PARM1: variants seen among roughly 807,000 people sequenced by gnomAD.
PARM1 encodes the protein prostate androgen-regulated mucin-like protein 1, also known as WSC4, cell wall integrity and stress response component 4 homolog.
A neutral mutation model predicts 24.6 loss-of-function variants in PARM1; 14 were observed. The ratio of observed to expected loss-of-function variants is 0.57; its 90% CI spans 0.38 to 0.89. The LOEUF (loss-of-function observed/expected upper bound fraction) is 0.89. Among genes scored for constraint, PARM1 ranks in the 40% least tolerant of loss-of-function variants. The pLI, the probability that PARM1 is intolerant of heterozygous loss-of-function variation, is 0.00. For synonymous variants in PARM1, 179 were observed against 156.6 expected, an observed-to-expected ratio of 1.14 and a Z score of -1.07; for missense variants, 362 against 380.4, an observed-to-expected ratio of 0.95 and a Z score of 0.40.
chr4:75,046,190 C>T lies in PARM1; in HGVS notation c.876C>T (p.Asp292=), dbSNP rs368213473. ...IRHSSYGRLL[D]DHDYGSWGNY... ...ATTCCTCCTATGGAAGACTTTTGGA[C>T]GACCATGACTACGGGTCCTGGGGAA... The change falls in exon 4 of 4, where the codon GAC becomes GAT. Residue 292 remains aspartate, a synonymous_variant. Coordinates refer to ENST00000307428, the MANE Select transcript of PARM1 (RefSeq NM_015393.4). The T allele has an allele frequency of 2.7e-5, 43 of 1,612,658 alleles. No individual in the cohort carries two copies. The highest frequency in any genetic ancestry group is 1.6e-4 in the Middle Eastern group (1 of 6,078).
chr4:75,009,381 C>T (rs1026695484), intron 1 of PARM1, among the ~76,000 whole-genome samples: 2 of 152,196 alleles, frequency 1.3e-5, no homozygotes, highest in African/African-American at 4.8e-5. Flanking sequence ...CCCTTTTGGT[C>T]TTTTCTCCCT....
Position 75,045,502 on chromosome 4 carries a change from G to C in PARM1, c.849-661G>C, listed in dbSNP as rs754884000. Among the ~76,000 whole-genome samples, 15 of 152,170 alleles carry C rather than the reference G, an allele frequency of 9.9e-5. 1 individual carries two copies. The highest frequency in any genetic ancestry group is 1.3e-4 in the Admixed American group (2 of 15,280). On this transcript the variant is annotated intron_variant, in intron 3 of 3. Transcript: ENST00000307428. ...TAACCCATATTGCCATTCAACTAAG[G>C]TGCTAATGAGACTCTGAGAACTTGT...
At position 75,012,960 on chromosome 4, in the gene PARM1, A is replaced by G. The variant is rs373757225; in HGVS notation, c.579A>G (p.Pro193=). Reference sequence around the variant, plus strand: ...AACCCACTGGAGCTCCAACTGCACCAGAGTCCCCGACAGAGGAGTCCAGCT... The same window carrying G: ...AACCCACTGGAGCTCCAACTGCACCGGAGTCCCCGACAGAGGAGTCCAGCT... ...STQPTGAPTA[P]ESPTEESSSD... Residue 193 remains proline (P), a synonymous_variant, in exon 2 of 4, where the codon CCA becomes CCG. Transcript: ENST00000307428. 3.1e-6 allele frequency: 5 copies of G among 1,613,932 alleles called. No individual in the cohort carries two copies. Among genetic ancestry groups the G allele is most frequent in the Non-Finnish European group, 4.2e-6 (5 of 1,179,864 alleles).
intron 1 of PARM1, among the ~76,000 whole-genome samples, chr4:74,981,612 C>T (rs762732248): frequency 2.0e-5 from 3 of 152,106 alleles, no homozygotes; most frequent in African/African-American, 4.8e-5. Context: ...CGTGGTGGCT[C>T]ATGCCTGTAA....
chr4:75,006,289 C>T (rs1387686353), intron 1 of PARM1, among the ~76,000 whole-genome samples: 4 of 147,770 alleles, frequency 2.7e-5, no homozygotes, highest in Admixed American at 2.0e-4. Flanking sequence ...CTATCCGTCC[C>T]CCCTCCCCCC....
intron 3 of PARM1, among the ~76,000 whole-genome samples, chr4:75,043,429 T>C (rs1723538427): frequency 6.6e-6 from 1 of 152,188 alleles, no homozygotes; most frequent in African/African-American, 2.4e-5. Context: ...TTAAAGTTTC[T>C]CCATTTTATA....
chr4:74,971,074 C>A lies in PARM1; in HGVS notation c.43+37704C>A, dbSNP rs76074911. Among the ~76,000 whole-genome samples the A allele has an allele frequency of 4.6e-3, 694 of 152,298 alleles. 7 individuals are homozygous for A. The highest frequency in any genetic ancestry group is 0.016 in the African/African-American group (671 of 41,568). ...CTTACTATGTTTCATCAAGATACCC[C>A]TTCTAAGACACTGTATTAGTCTGTT... is the stretch of plus-strand genomic sequence containing the variant. On this transcript the variant is annotated intron_variant, in intron 1 of 3. Coordinates refer to ENST00000307428, the MANE Select transcript of PARM1 (RefSeq NM_015393.4).
chr4:74,988,005 G>A (rs1722389579), intron 1 of PARM1, among the ~76,000 whole-genome samples: 1 of 152,222 alleles, frequency 6.6e-6, no homozygotes, highest in East Asian at 1.9e-4. Context: ...ATGAGTTCAG[G>A]AGGAATGAAA....
At chr4:75,004,358 T>C (rs1053658588) in intron 1 of PARM1, among the ~76,000 whole-genome samples, 1 of 152,194 alleles carries the variant, frequency 6.6e-6, no homozygotes, top group Non-Finnish European at 1.5e-5. Flanking sequence ...CAACATGATG[T>C]GTGCTGTCAT....
chr4:75,044,392 C>T lies in PARM1; in HGVS notation c.849-1771C>T, dbSNP rs182621278. 1.0e-3 allele frequency among the ~76,000 whole-genome samples: 157 copies of T among 152,286 alleles called. 1 individual carries two copies. Among genetic ancestry groups the T allele is most frequent in the African/African-American group, 3.5e-3 (146 of 41,558 alleles). Reference sequence around the variant, plus strand: ...ACCATATTCCTTTCCAGGGAGCTCCCGTCTTATGAACAGATCAGTTTTGGG... The same window carrying T: ...ACCATATTCCTTTCCAGGGAGCTCCTGTCTTATGAACAGATCAGTTTTGGG... On this transcript the variant is annotated intron_variant, in intron 3 of 3. Transcript: ENST00000307428.
intron 2 of PARM1, among the ~76,000 whole-genome samples, chr4:75,023,008 A>G (rs1259752900): frequency 6.6e-6 from 1 of 152,220 alleles, no homozygotes; most frequent in East Asian, 1.9e-4. Flanking sequence ...TAACAGTATA[A>G]TGCTTTTATT....
intron 1 of PARM1, among the ~76,000 whole-genome samples, chr4:74,966,435 A>G (rs1290825657): frequency 1.3e-5 from 2 of 152,192 alleles, no homozygotes; most frequent in Non-Finnish European, 2.9e-5. Flanking sequence ...GGTAAGGGGA[A>G]GTTGCTAAAC....
chr4:75,037,135 A>G (rs1367956706), intron 3 of PARM1, among the ~76,000 whole-genome samples: 1 of 152,216 alleles, frequency 6.6e-6, no homozygotes, highest in African/African-American at 2.4e-5. Flanking sequence ...GTGTGTGTGC[A>G]TGTATGTTCC....
intron 1 of PARM1, among the ~76,000 whole-genome samples, chr4:75,002,882 G>T (rs994916325): frequency 3.3e-5 from 5 of 152,214 alleles, no homozygotes; most frequent in African/African-American, 7.2e-5. Context: ...GGAGTGGGCT[G>T]CAGGGCCCAG....
At chr4:75,005,181 C>A (rs1293392008) in intron 1 of PARM1, among the ~76,000 whole-genome samples, 1 of 152,220 alleles carries the variant, frequency 6.6e-6, no homozygotes, top group Admixed American at 6.5e-5. Flanking sequence ...AGCACACAGA[C>A]CTTCAGCAGC....
chr4:74,979,911 T>C (rs1250352024), intron 1 of PARM1, among the ~76,000 whole-genome samples: 5 of 152,130 alleles, frequency 3.3e-5, no homozygotes, highest in African/African-American at 1.2e-4. Flanking sequence ...TTGATAAAAT[T>C]CAACATCCCT....
intron 1 of PARM1, among the ~76,000 whole-genome samples, chr4:74,980,657 C>T (rs1469898475): frequency 1.3e-5 from 2 of 152,164 alleles, no homozygotes; most frequent in African/African-American, 4.8e-5. Flanking sequence ...ATAGCCAAGA[C>T]AATCCTAAGC....
chr4:75,011,775 T>C (rs1722875641), intron 1 of PARM1, among the ~76,000 whole-genome samples: 1 of 152,202 alleles, frequency 6.6e-6, no homozygotes, highest in Non-Finnish European at 1.5e-5. Flanking sequence ...ACCTCAGATT[T>C]CTCTTTCTAG....
At chr4:75,023,499 T>C (rs186274418) in intron 2 of PARM1, among the ~76,000 whole-genome samples, 18 of 152,330 alleles carry the variant, frequency 1.2e-4, no homozygotes, top group Admixed American at 1.0e-3. Context: ...TCTTCTAGAC[T>C]CTGATTTTCT....
Sources: allele counts gnomAD v4.1 joint callset (sites outside exome capture counted in the v4.1 genomes callset), GRCh38; gene constraint gnomAD v4.1.1; transcripts MANE v1.5; gene names NCBI Gene and HGNC (gene_info 2026-07-23, HGNC 2026-07-21).